The following MYH14 variants were observed in gnomAD, a reference collection of about 807,000 sequenced individuals.
MYH14 encodes the protein myosin heavy chain 14, also known as myosin-14.
A neutral mutation model predicts 255.5 loss-of-function variants in MYH14; 123 were observed. The ratio of observed to expected loss-of-function variants is 0.48; its 90% CI spans 0.42 to 0.56. The LOEUF is 0.56. Ranked by LOEUF, MYH14 falls within the 20% of genes least tolerant of loss-of-function variation. The pLI is 0.00. For missense variants in MYH14, 2,423 were observed against 2,802.3 expected, an observed-to-expected ratio of 0.86 and a Z score of 3.06; for synonymous variants, 1,095 against 1,161.2, an observed-to-expected ratio of 0.94 and a Z score of 1.16.
intron 11 of MYH14, among the ~76,000 whole-genome samples, chr19:50,246,101 T>G (rs1187383247): frequency 2.9e-5 from 1 of 35,018 alleles, no homozygotes; most frequent in Non-Finnish European, 5.8e-5. Context: ...CCTCCCTCCC[T>G]CCCTTCCTTT....
intron 10 of MYH14, among the ~76,000 whole-genome samples, chr19:50,236,585 G>A (rs1359293151): frequency 6.6e-6 from 1 of 151,552 alleles, no homozygotes; most frequent in African/African-American, 2.4e-5. Context: ...GCACATGCCT[G>A]TAATCCCAGC....
In MYH14 at chr19:50,291,038, G is replaced by T; in HGVS notation, c.5117G>T (p.Arg1706Leu). ...AAGGAGGAGGCGGTGAAGCAGCTTCGCAAGATGCAGGTAAGAGCCGGCGTG... is the reference window on the plus strand; with the variant it reads ...AAGGAGGAGGCGGTGAAGCAGCTTCTCAAGATGCAGGTAAGAGCCGGCGTG... ...QGKEEAVKQL[R>L]KMQAQMKELW... Residue 1706 changes from arginine to leucine, a missense_variant, in exon 36 of 43, where the codon CGC becomes CTC. Arg to Leu is a moderately radical substitution (Grantham distance 102). Transcript: ENST00000642316. 6.2e-7 allele frequency: 1 copy of T among 1,612,910 alleles called. No homozygotes were observed. Among genetic ancestry groups the T allele is most frequent in the Non-Finnish European group, 8.5e-7 (1 of 1,179,662 alleles).
Position 50,217,604 on chromosome 19 carries a change from A to C in MYH14, c.406-11A>C, listed in dbSNP as rs1600867633. 1 of 1,613,882 alleles carries C rather than the reference A, an allele frequency of 6.2e-7. No homozygotes were observed. The highest frequency in any genetic ancestry group is 8.5e-7 in the Non-Finnish European group (1 of 1,179,880). On this transcript the variant is annotated splice_polypyrimidine_tract_variant and intron_variant, in intron 2 of 42. Transcript: ENST00000642316. ...GCCATCTGAGACCCTCTCCCCTCTCACCCACTGCAGACGTACTCCGGCCTT... is the reference window on the plus strand; with the variant it reads ...GCCATCTGAGACCCTCTCCCCTCTCCCCCACTGCAGACGTACTCCGGCCTT...
intron 3 of MYH14, among the ~76,000 whole-genome samples, chr19:50,220,402 CTTTATA>C (rs1265742264): frequency 6.8e-6 from 1 of 147,082 alleles, no homozygotes; most frequent in African/African-American, 2.5e-5. Flanking sequence ...TTTTATTATA[CTTTATA>C]TTTATTTTAT....
chr19:50,223,330 G>A lies in MYH14; in HGVS notation c.674G>A (p.Arg225Lys). 1 of 1,579,682 alleles carries A rather than the reference G, an allele frequency of 6.3e-7. No individual in the cohort carries two copies. Among genetic ancestry groups the A allele is most frequent in the South Asian group, 1.1e-5 (1 of 87,118 alleles). The change falls in exon 5 of 43, where the codon AGG becomes AAG. Residue 225 changes from arginine to lysine, a missense_variant. This residue lies in a region of MYH14 where 672 missense variants were observed against 881.8 expected (regional missense o/e 0.76). Transcript: ENST00000642316. ...CACGTGGCGTCGTCTCCAAAGGGCAGGAAGGAGCCGGGTGTCCCCGTAAGC... is the reference window on the plus strand; with the variant it reads ...CACGTGGCGTCGTCTCCAAAGGGCAAGAAGGAGCCGGGTGTCCCCGTAAGC... Reference protein sequence around the residue: ...LAHVASSPKGRKEPGVPASVS... With the variant: ...LAHVASSPKGKKEPGVPASVS...
intron 6 of MYH14, chr19:50,224,854 C>G: frequency 2.2e-6 from 1 of 456,426 alleles, no homozygotes; most frequent in South Asian, 1.5e-5. Context: ...TCTATAATCC[C>G]AGCACTTTGG....
Position 50,250,656 on chromosome 19 carries a change from G to T in MYH14, c.1798G>T (p.Ala600Ser). The T allele has an allele frequency of 6.2e-7, 1 of 1,613,924 alleles. No individual in the cohort carries two copies. The highest frequency in any genetic ancestry group is 8.5e-7 in the Non-Finnish European group (1 of 1,179,832). The change falls in exon 15 of 43, where the codon GCC (alanine) becomes TCC (serine). Residue 600 changes from alanine (A) to serine (S), a missense_variant. By Grantham distance (99) the Ala-to-Ser change is moderately conservative (BLOSUM62 1). Coordinates refer to ENST00000642316, the MANE Select transcript of MYH14 (RefSeq NM_001145809.2). This position sits in a 1 kb window ranked among gnomAD's most constrained non-coding sequence, Gnocchi z 5.4. The stretch of plus-strand genomic sequence containing the variant: ...GCGGCCGAGGCACCTGCGGGATCAG[G>T]CCGACTTCAGTGTTCTCCACTACGC... ...FQRPRHLRDQ[A>S]DFSVLHYAGK...
intron 6 of MYH14, chr19:50,224,707 AAGG>A: frequency 2.3e-6 from 1 of 434,904 alleles, no homozygotes; most frequent in South Asian, 1.6e-5. Context: ...AGTTCCTGCC[AAGG>A]AGTAGCCTGG....
intron 19 of MYH14, 60 bp from the exon 20 acceptor site, chr19:50,260,586 A>G (rs1822797535): frequency 8.2e-7 from 1 of 1,216,028 alleles, no homozygotes; most frequent in Non-Finnish European, 1.2e-6. Flanking sequence ...GGCCCGCAGC[A>G]GGCACTAGGT....
At chr19:50,261,441 C>G (rs199871042) in intron 20 of MYH14, 34 bp from the exon 21 acceptor site, 34 of 1,202,430 alleles carry the variant, frequency 2.8e-5, no homozygotes, top group East Asian at 1.3e-4. Context: ...CCATCACCCC[C>G]TCTCCGTCAT....
At chr19:50,229,210 A>C (rs2123225904) in intron 8 of MYH14, among the ~76,000 whole-genome samples, 1 of 152,152 alleles carries the variant, frequency 6.6e-6, no homozygotes, top group African/African-American at 2.4e-5. Flanking sequence ...AGCAGGTTAC[A>C]CCCCAGGGCT....
In MYH14 at chr19:50,210,671, C is replaced by T. The variant is rs2032141514; in HGVS notation, c.306C>T (p.Pro102=). 6.4e-7 allele frequency: 1 copy of T among 1,571,000 alleles called. No homozygotes were observed. Among genetic ancestry groups the T allele is most frequent in the Admixed American group, 1.9e-5 (1 of 53,086 alleles). ...PRDQIQRMNP[P]KFSKAEDMAE... ...ACCAGATCCAGCGCATGAACCCGCC[C>T]AAGTTCAGCAAGGCCGAGGACATGG... Residue 102 remains proline (P), a synonymous_variant, in exon 2 of 43, where the codon CCC becomes CCT. Transcript: ENST00000642316.
At chr19:50,299,598 T>A (rs2059112) in intron 39 of MYH14, among the ~76,000 whole-genome samples, 3 of 139,164 alleles carry the variant, frequency 2.2e-5, no homozygotes, top group Non-Finnish European at 4.5e-5. Flanking sequence ...AAAAAAAATT[T>A]TAAAGGAATA....
intron 11 of MYH14, 68 bp downstream of exon 11, chr19:50,244,405 C>A (rs1344446592): frequency 7.2e-6 from 9 of 1,251,504 alleles, no homozygotes; most frequent in African/African-American, 1.5e-5. Flanking sequence ...CCCTCCTGCA[C>A]CCCTGTCCCA....
rs1303409441 is a variant in MYH14, at chr19:50,272,051, C to T, written c.3295+79C>T. The T allele has an allele frequency of 3.2e-6, 5 of 1,544,498 alleles. No individual in the cohort carries two copies. In the African/African-American group the frequency reaches 5.5e-5, roughly 17 times the overall value. On this transcript the variant is annotated intron_variant, in intron 26 of 42. Coordinates refer to ENST00000642316, the MANE Select transcript of MYH14 (RefSeq NM_001145809.2). The stretch of plus-strand genomic sequence containing the variant: ...AGGCAAGCCCCATGTGCTACAGGGC[C>T]TCAGTGGCTGTGTCTGCTAAATGGG...
Position 50,260,412 on chromosome 19 carries a change from G to A in MYH14, c.2355-234G>A, listed in dbSNP as rs148572909. 1.4e-4 allele frequency among the ~76,000 whole-genome samples: 22 copies of A among 152,176 alleles called. 1 individual carries two copies. Among genetic ancestry groups the A allele is most frequent in the Admixed American group, 4.6e-4 (7 of 15,280 alleles). Reference sequence around the variant, plus strand: ...TGCACTCCAGCCTGGGCGACAGAGCGAGACTCTGTCTCAAAAAACAAACAA... The same window carrying A: ...TGCACTCCAGCCTGGGCGACAGAGCAAGACTCTGTCTCAAAAAACAAACAA... On this transcript the variant is annotated intron_variant, in intron 19 of 42. Transcript: ENST00000642316.
Position 50,266,392 on chromosome 19 carries a change from C to T in MYH14, c.2695-485C>T, listed in dbSNP as rs1443124369. Among the ~76,000 whole-genome samples the T allele has an allele frequency of 6.6e-6, 1 of 152,174 alleles. No individual in the cohort carries two copies. Among genetic ancestry groups the T allele is most frequent in the African/African-American group, 2.4e-5 (1 of 41,424 alleles). ...CCTGGCCAACATAGCGAAACCCTCT[C>T]TACTGAAAGCACAAAAATTAGCCGG... On this transcript the variant is annotated intron_variant, in intron 22 of 42. Coordinates refer to ENST00000642316, the MANE Select transcript of MYH14 (RefSeq NM_001145809.2). This position sits in a 1 kb window ranked among gnomAD's most constrained non-coding sequence, Gnocchi z 4.1.
intron 1 of MYH14, among the ~76,000 whole-genome samples, chr19:50,208,423 A>AAAAC (rs139261539): frequency 6.9e-4 from 103 of 150,340 alleles, no homozygotes; most frequent in East Asian, 1.8e-3. Context: ...TCAAAAAACA[A>AAAAC]AAACAAACAA....
rs1017161137 is a variant in MYH14 at position 50,220,109 on chromosome 19, G to A, written c.562+2338G>A. ...ATAGTACACAACATTCAGACCCTTC[G>A]ATCATGGCTTCGAAACCCATCGGTG... is the stretch of plus-strand genomic sequence containing the variant. On this transcript the variant is annotated intron_variant, in intron 3 of 42. Coordinates refer to ENST00000642316, the MANE Select transcript of MYH14 (RefSeq NM_001145809.2). Among the ~76,000 whole-genome samples the A allele has an allele frequency of 3.3e-5, 5 of 151,960 alleles. No individual in the cohort carries two copies. In the East Asian group the frequency reaches 5.8e-4, roughly 18 times the overall value.
Sources: gnomAD v4.1 joint callset for allele counts (sites outside exome capture counted in the v4.1 genomes callset) on GRCh38, gnomAD v4.1.1 for gene constraint, gnomAD v4.1.1 regional missense constraint, Gnocchi (gnomAD v3.1) non-coding constraint, MANE v1.5 for transcripts, NCBI Gene and HGNC (gene_info 2026-07-23, HGNC 2026-07-21) for gene names.